FLNB: variants seen among roughly 807,000 people sequenced by gnomAD.
The protein encoded by FLNB is filamin-B.
A neutral mutation model predicts 250.6 loss-of-function variants in FLNB; 111 were observed. The ratio of observed to expected loss-of-function variants is 0.44; its 90% confidence interval spans 0.38 to 0.52. The LOEUF is 0.52. FLNB is among the 20% of genes least tolerant of loss of function. The pLI is 0.00. For synonymous variants in FLNB, 1,302 were observed against 1,372.1 expected (o/e 0.95, Z 1.13); for missense variants, 2,869 against 3,447.8 (o/e 0.83, Z 4.20).
chr3:58,046,943 C>T (rs1013746669), intron 1 of FLNB, among the ~76,000 whole-genome samples: 1 of 152,146 alleles, frequency 6.6e-6, no homozygotes, highest in South Asian at 2.1e-4. Flanking sequence ...AAGGTTCAGC[C>T]ATGTTATGTC....
intron 20 of FLNB, 98 bp downstream of exon 20, chr3:58,121,601 C>A (rs868657629): frequency 7.3e-6 from 11 of 1,514,640 alleles, no homozygotes; most frequent in Middle Eastern, 1.7e-4. Flanking sequence ...TTCTGAAAAT[C>A]GTTTTGTGAT....
At position 58,078,758 on chromosome 3, in the gene FLNB, G is replaced by A. The variant is rs1328223925; in HGVS notation, c.583G>A (p.Val195Met). The change falls in exon 3 of 46, where the codon GTG (valine) becomes ATG (methionine). Residue 195 changes from valine (V) to methionine (M), a missense_variant. Transcript: ENST00000295956. ...DWESWDPQKP[V>M]DNAREAMQQA... ...GGAATCCTGGGACCCGCAGAAGCCTGTGGATAATGCACGAGAAGCCATGCA... is the reference window on the plus strand; with the variant it reads ...GGAATCCTGGGACCCGCAGAAGCCTATGGATAATGCACGAGAAGCCATGCA... 1.1e-5 allele frequency: 18 copies of A among 1,613,844 alleles called. No individual in the cohort carries two copies. Among genetic ancestry groups the A allele is most frequent in the Non-Finnish European group, 8.5e-7 (1 of 1,179,962 alleles).
intron 40 of FLNB, among the ~76,000 whole-genome samples, chr3:58,155,277 CT>C (rs2097351582): frequency 6.6e-6 from 1 of 152,244 alleles, no homozygotes; most frequent in African/African-American, 2.4e-5. Flanking sequence ...AGCAGGAGCT[CT>C]TAACCTTTTG....
chr3:58,012,116 C>G (rs1452474491), intron 1 of FLNB, among the ~76,000 whole-genome samples: 1 of 149,240 alleles, frequency 6.7e-6, no homozygotes, highest in Non-Finnish European at 1.5e-5. Flanking sequence ...GAGGCTGAGG[C>G]AGGAGAATTG....
At chr3:58,015,540 A>G (rs977285596) in intron 1 of FLNB, among the ~76,000 whole-genome samples, 1 of 152,184 alleles carries the variant, frequency 6.6e-6, no homozygotes, top group African/African-American at 2.4e-5. Context: ...GACAACAGGA[A>G]TGAGAGGATC....
chr3:58,115,740 G>A (rs573062986), intron 18 of FLNB, among the ~76,000 whole-genome samples: 2 of 151,994 alleles, frequency 1.3e-5, no homozygotes, highest in Admixed American at 6.5e-5. Flanking sequence ...CCTTGGTGGC[G>A]GTCGTTGCCA....
chr3:58,169,827 G>T lies in FLNB; in HGVS notation c.7621+34G>T. 7.0e-7 allele frequency: 1 copy of T among 1,421,518 alleles called. No individual in the cohort carries two copies. The highest frequency in any genetic ancestry group is 9.9e-7 in the Non-Finnish European group (1 of 1,011,758). 88.1% of individuals were successfully genotyped at this position (1,421,518 alleles called of 1,614,324 possible). The stretch of plus-strand genomic sequence containing the variant: ...CTGGGCCTTTTCAAGGGTGGGGTGG[G>T]GCAGGGGCAGGCTGGGCACCCTGGG... On this transcript the variant is annotated intron_variant, in intron 45 of 45. Coordinates refer to ENST00000295956, the MANE Select transcript of FLNB (RefSeq NM_001457.4). The surrounding 1 kb of genome is among the most constrained non-coding windows in gnomAD (Gnocchi z 4.8).
At chr3:58,135,836 A>G in intron 27 of FLNB, 143 bp from the exon 28 acceptor site, 1 of 896,816 alleles carries the variant, frequency 1.1e-6, no homozygotes, top group Non-Finnish European at 1.7e-6. Flanking sequence ...CCTACCAAAA[A>G]ACAAAACAAA....
rs144841849 is a variant in FLNB, at chr3:58,045,873, G to A, written c.293-31173G>A. 5.2e-3 allele frequency among the ~76,000 whole-genome samples: 788 copies of A among 152,012 alleles called. 6 individuals are homozygous for A. Among genetic ancestry groups the A allele is most frequent in the African/African-American group, 0.018 (751 of 41,468 alleles). On this transcript the variant is annotated intron_variant, in intron 1 of 45. Transcript: ENST00000295956. The stretch of plus-strand genomic sequence containing the variant: ...AAATTAGCCGGGCGTGGTAGTGTAC[G>A]CCTGTAGTCTTAGCTTCTTGGGAGG...
At position 58,142,670 on chromosome 3, in the gene FLNB, C is replaced by T. The variant is rs369891913; in HGVS notation, c.5202C>T (p.Val1734=). The change falls in exon 31 of 46, where the codon GTC becomes GTT. Residue 1734 remains valine (V), a synonymous_variant. Transcript: ENST00000295956. This position sits in a 1 kb window ranked among gnomAD's most constrained non-coding sequence, Gnocchi z 4.3. The stretch of plus-strand genomic sequence containing the variant: ...TTTAGGTGACCGAAGAGGCCTATGT[C>T]CCAGTGAGTGACATGAACGGCCTGG... ...FRPWVTEEAY[V]PVSDMNGLGF... is the part of the protein sequence containing the mutation. 15 of 1,614,070 alleles carry T rather than the reference C, an allele frequency of 9.3e-6. No individual in the cohort carries two copies. Among genetic ancestry groups the T allele is most frequent in the Non-Finnish European group, 1.2e-5 (14 of 1,180,004 alleles).
intron 5 of FLNB, 151 bp downstream of exon 5, chr3:58,095,105 G>C: frequency 1.4e-6 from 1 of 705,490 alleles, no homozygotes; most frequent in Non-Finnish European, 2.6e-6. Context: ...AGCTGTTAAA[G>C]TAACCTGCCC....
intron 4 of FLNB, among the ~76,000 whole-genome samples, chr3:58,094,155 C>T (rs2097233540): frequency 6.6e-6 from 1 of 152,248 alleles, no homozygotes; most frequent in Admixed American, 6.5e-5. Context: ...TCTGGGCTCA[C>T]TGCAACCTCC....
At chr3:58,107,010 CATTT>C (rs902161477) in intron 12 of FLNB, 137 bp downstream of exon 12, 2 of 730,378 alleles carry the variant, frequency 2.7e-6, no homozygotes, top group African/African-American at 3.5e-5. Flanking sequence ...AACAGGCCTG[CATTT>C]GTTTGTTTGT....
In FLNB at chr3:58,008,634, C is replaced by G; in HGVS notation, c.70C>G (p.Arg24Gly). ...GAAGATCCAGCAGAACACGTTCACACGCTGGTGCAACGAGCACCTCAAGTG... is the reference window on the plus strand; with the variant it reads ...GAAGATCCAGCAGAACACGTTCACAGGCTGGTGCAACGAGCACCTCAAGTG... ...WKKIQQNTFT[R>G]WCNEHLKCVN... The change falls in exon 1 of 46, where the codon CGC becomes GGC. Residue 24 changes from arginine (R) to glycine (G), a missense_variant. Physicochemically the swap from Arg to Gly is moderately radical, Grantham distance 125 (BLOSUM62 -2). This residue lies in a region of FLNB where 308 missense variants were observed against 466.1 expected (regional missense o/e 0.66). Coordinates refer to ENST00000295956, the MANE Select transcript of FLNB (RefSeq NM_001457.4). The G allele has an allele frequency of 6.2e-7, 1 of 1,613,938 alleles. No individual in the cohort carries two copies. The highest frequency in any genetic ancestry group is 8.5e-7 in the Non-Finnish European group (1 of 1,179,918).
At chr3:58,168,924 C>T (rs547799004) in intron 44 of FLNB, 32 of 457,544 alleles carry the variant, frequency 7.0e-5, no homozygotes, top group Non-Finnish European at 1.2e-4. Flanking sequence ...TGAAATCTTA[C>T]GTATTTGTTT....
chr3:58,061,728 G>A (rs2097178798), intron 1 of FLNB, among the ~76,000 whole-genome samples: 1 of 148,620 alleles, frequency 6.7e-6, no homozygotes, highest in Non-Finnish European at 1.5e-5. Context: ...GACAGAGTGA[G>A]ACCCTGTCTC....
intron 1 of FLNB, among the ~76,000 whole-genome samples, chr3:58,059,424 C>T (rs142158296): frequency 6.6e-6 from 1 of 152,088 alleles, no homozygotes; most frequent in Admixed American, 6.6e-5. Flanking sequence ...CCTAGCTTTT[C>T]AGAGCTAGGT....
chr3:58,149,802 CT>C (rs1436470356), intron 36 of FLNB, 47 bp from the exon 37 acceptor site: 20 of 1,612,766 alleles, frequency 1.2e-5, no homozygotes, highest in Non-Finnish European at 1.6e-5. Flanking sequence ...CAGGCTCCCT[CT>C]TCCTGAGGAG....
chr3:58,022,124 TC>T (rs2097115056), intron 1 of FLNB, among the ~76,000 whole-genome samples: 1 of 152,184 alleles, frequency 6.6e-6, no homozygotes. Context: ...CTTCTTACTC[TC>T]CCACGGGTCA....
Sources: gnomAD v4.1 joint callset for allele counts (sites outside exome capture counted in the v4.1 genomes callset) on GRCh38, gnomAD v4.1.1 for gene constraint, gnomAD v4.1.1 regional missense constraint, Gnocchi (gnomAD v3.1) non-coding constraint, MANE v1.5 for transcripts, NCBI Gene and HGNC (gene_info 2026-07-23, HGNC 2026-07-21) for gene names.